The following CRIM1 variants were observed in gnomAD, a reference collection of about 807,000 sequenced individuals.
CRIM1 encodes the protein cysteine-rich motor neuron 1 protein.
A neutral mutation model predicts 116.4 loss-of-function variants in CRIM1; 32 were observed. The observed-to-expected ratio is 0.27, with a 90% CI of 0.21 to 0.37. The LOEUF (loss-of-function observed/expected upper bound fraction) is 0.37, where lower values mean the gene tolerates loss of function less well. Ranked by LOEUF, CRIM1 falls within the 10% of genes least tolerant of loss-of-function variation. The pLI, the probability that CRIM1 is intolerant of heterozygous loss-of-function variation, is 1.00. For synonymous variants in CRIM1, 590 were observed against 509.2 expected (o/e 1.16, Z -2.13); for missense variants, 1,331 against 1,354.8 (o/e 0.98, Z 0.28).
chr2:36,485,454 G>A (rs4141686), intron 7 of CRIM1, among the ~76,000 whole-genome samples: 99,665 of 152,004 alleles, frequency 0.66, 32,856 homozygotes, highest in African/African-American at 0.71. Flanking sequence ...CCAAATTTAT[G>A]GAAGCACTAT....
chr2:36,414,544 G>A (rs966340649), intron 2 of CRIM1, among the ~76,000 whole-genome samples: 1 of 152,192 alleles, frequency 6.6e-6, no homozygotes, highest in Non-Finnish European at 1.5e-5. Flanking sequence ...ATAAAATTAT[G>A]TGATTGCTGT....
intron 4 of CRIM1, among the ~76,000 whole-genome samples, chr2:36,451,239 A>G (rs531281721): frequency 7.2e-4 from 109 of 152,304 alleles, no homozygotes; most frequent in African/African-American, 2.4e-3. Flanking sequence ...GATATGACCA[A>G]TGCCAGTTTC....
At chr2:36,483,907 A>AG (rs1183768095) in intron 7 of CRIM1, among the ~76,000 whole-genome samples, 1 of 152,198 alleles carries the variant, frequency 6.6e-6, no homozygotes, top group East Asian at 1.9e-4. Flanking sequence ...TACTAGTTGA[A>AG]GGAAGAATAA....
At chr2:36,482,175 A>G (rs905870369) in intron 7 of CRIM1, among the ~76,000 whole-genome samples, 3 of 152,102 alleles carry the variant, frequency 2.0e-5, no homozygotes, top group African/African-American at 7.2e-5. Flanking sequence ...CTGATCTCTC[A>G]TCAAACGTTT....
chr2:36,524,206 G>C (rs1665598205), intron 13 of CRIM1, among the ~76,000 whole-genome samples: 1 of 152,120 alleles, frequency 6.6e-6, no homozygotes, highest in Admixed American at 6.5e-5. Flanking sequence ...TTTAGCACCG[G>C]CTTCTCTGTA....
chr2:36,377,652 C>T (rs57556257), intron 1 of CRIM1, among the ~76,000 whole-genome samples: 13,613 of 152,180 alleles, frequency 0.089, 1,236 homozygotes, highest in East Asian at 0.46. Context: ...ACAGTAAGCA[C>T]ACAGTAAATG....
At position 36,549,276 on chromosome 2, in the gene CRIM1, T is replaced by C. The variant is rs1168340752; in HGVS notation, c.*575T>C. ...TCTAAAGCCACAAGTTTCTTTTCTA[T>C]ACAGTCACAACTGCAGTAGGCAGTG... On this transcript the variant is annotated 3_prime_UTR_variant, in exon 17 of 17. Transcript: ENST00000280527. 1 of 152,756 alleles carries C rather than the reference T, an allele frequency of 6.5e-6. No homozygotes were observed. The highest frequency in any genetic ancestry group is 1.5e-5 in the Non-Finnish European group (1 of 68,150). 9.5% of individuals were successfully genotyped at this position (152,756 alleles called of 1,614,324 possible). A position where few individuals can be genotyped will look rare whatever the true frequency, so the allele number is the denominator to read the frequency against.
chr2:36,458,216 C>G (rs1677296266), intron 4 of CRIM1, among the ~76,000 whole-genome samples: 1 of 152,142 alleles, frequency 6.6e-6, no homozygotes, highest in African/African-American at 2.4e-5. Flanking sequence ...TCCGAGCTGC[C>G]TCCTCTGCAG....
intron 5 of CRIM1, among the ~76,000 whole-genome samples, chr2:36,468,157 G>A (rs563632787): frequency 1.3e-4 from 20 of 152,334 alleles, no homozygotes; most frequent in African/African-American, 4.8e-4. Flanking sequence ...ATGTTAACAT[G>A]ACTGACCCCA....
chr2:36,470,063 T>C (rs899781108), intron 5 of CRIM1, among the ~76,000 whole-genome samples: 5 of 152,200 alleles, frequency 3.3e-5, no homozygotes, highest in African/African-American at 7.2e-5. Context: ...CAGATATTTA[T>C]TGAGGCTAGT....
At chr2:36,359,427 T>A (rs184795058) in intron 1 of CRIM1, among the ~76,000 whole-genome samples, 9 of 152,256 alleles carry the variant, frequency 5.9e-5, no homozygotes, top group African/African-American at 1.4e-4. Context: ...GGGAAAAAAA[T>A]TACGTTTTTA....
At chr2:36,374,230 G>A (rs1211382831) in intron 1 of CRIM1, among the ~76,000 whole-genome samples, 1 of 152,216 alleles carries the variant, frequency 6.6e-6, no homozygotes, top group Non-Finnish European at 1.5e-5. Context: ...CCTTATTAAA[G>A]GGGTCACTCA....
chr2:36,530,406 G>A (rs1666032753), intron 13 of CRIM1, among the ~76,000 whole-genome samples: 1 of 152,186 alleles, frequency 6.6e-6, no homozygotes, highest in South Asian at 2.1e-4. Flanking sequence ...AACAAGTGAA[G>A]CCAGTTTCTC....
intron 9 of CRIM1, 144 bp downstream of exon 9, chr2:36,510,283 A>G: frequency 1.3e-6 from 1 of 754,664 alleles, no homozygotes; most frequent in Non-Finnish European, 2.1e-6. Flanking sequence ...TAGGTGATTC[A>G]GAAAGCAGGG....
At chr2:36,411,934 C>T (rs530574888) in intron 2 of CRIM1, among the ~76,000 whole-genome samples, 1 of 152,298 alleles carries the variant, frequency 6.6e-6, no homozygotes, top group South Asian at 2.1e-4. Flanking sequence ...ATTTTCATTT[C>T]CCTTATCACT....
Position 36,378,517 on chromosome 2 carries a change from C to T in CRIM1, c.332-18097C>T, listed in dbSNP as rs184355740. 252 of 395,450 alleles carry T rather than the reference C, an allele frequency of 6.4e-4. 7 individuals are homozygous for T. Among genetic ancestry groups the T allele is most frequent in the South Asian group, 4.5e-3 (237 of 52,178 alleles). The allele number at this position is 395,450 out of a possible 1,614,324, so 24.5% of individuals were successfully genotyped here. A position where few individuals can be genotyped will look rare whatever the true frequency, so the allele number is the denominator to read the frequency against. ...CTCTGGATGAAGCTCACAGCTCTAA[C>T]GTAAGGCGGTAAGTCATTTTTTTTT... On this transcript the variant is annotated intron_variant, in intron 1 of 16. Transcript: ENST00000280527.
In CRIM1 at chr2:36,479,951, C is replaced by T. The variant is rs142974217; in HGVS notation, c.1372+257C>T. ...ATACTTTACAGTATAAGAATATGTACATTTTAATTAAGTTCACTTTGAACC... is the reference window on the plus strand; with the variant it reads ...ATACTTTACAGTATAAGAATATGTATATTTTAATTAAGTTCACTTTGAACC... On this transcript the variant is annotated intron_variant, in intron 7 of 16. Transcript: ENST00000280527. 1.4e-4 allele frequency among the ~76,000 whole-genome samples: 21 copies of T among 152,326 alleles called. No homozygotes were observed. In the East Asian group the frequency reaches 4.0e-3, roughly 29 times the overall value.
chr2:36,478,838 CTT>C (rs3836078), intron 6 of CRIM1, among the ~76,000 whole-genome samples: 5 of 149,084 alleles, frequency 3.4e-5, no homozygotes, highest in Admixed American at 6.6e-5. Context: ...ACCTCAGAAA[CTT>C]TTTTTTTTTT....
intron 2 of CRIM1, among the ~76,000 whole-genome samples, chr2:36,407,445 T>G (rs1264246084): frequency 6.6e-6 from 1 of 152,120 alleles, no homozygotes; most frequent in Admixed American, 6.5e-5. Flanking sequence ...CAGATACAAA[T>G]TTTGGGGAGA....
Sources: allele counts gnomAD v4.1 joint callset (sites outside exome capture counted in the v4.1 genomes callset), GRCh38; gene constraint gnomAD v4.1.1; transcripts MANE v1.5; gene names NCBI Gene and HGNC (gene_info 2026-07-23, HGNC 2026-07-21).